The following AIMP2 variants were observed in gnomAD, a reference collection of about 807,000 sequenced individuals.
The protein encoded by AIMP2 is aminoacyl tRNA synthetase complex interacting multifunctional protein 2.
In AIMP2, 20 loss-of-function variants were observed where a neutral mutation model predicts 23.4. The observed-to-expected ratio is 0.85, with a 90% CI of 0.60 to 1.24. AIMP2 has a LOEUF of 1.24. AIMP2 is among the 50% of genes most tolerant of loss of function. The probability of loss-of-function intolerance (pLI) is 0.00; values close to 1 mark genes in which losing one functional copy is unlikely to be tolerated. For synonymous variants in AIMP2, 210 were observed against 170.4 expected, an observed-to-expected ratio of 1.23 and a Z score of -1.81; for missense variants, 515 against 414.5, an observed-to-expected ratio of 1.24 and a Z score of -2.10.
At chr7:6,013,956 CA>C (rs5882079) in intron 1 of AIMP2, among the ~76,000 whole-genome samples, 74 of 141,452 alleles carry the variant, frequency 5.2e-4, no homozygotes, top group Middle Eastern at 3.6e-3. Context: ...GTCTCCAGGA[CA>C]AAAAAAAAAA....
intron 2 of AIMP2, among the ~76,000 whole-genome samples, chr7:6,016,579 G>A (rs953981558): frequency 6.6e-6 from 1 of 152,266 alleles, no homozygotes; most frequent in Non-Finnish European, 1.5e-5. Context: ...TCGAGCATGC[G>A]CGGCTGAAAT....
At chr7:6,014,909 G>A (rs1348654842) in intron 1 of AIMP2, 11 of 652,508 alleles carry the variant, frequency 1.7e-5, no homozygotes, top group African/African-American at 3.8e-5. Context: ...TAGTAGAGAC[G>A]GGGTTTCACC....
At chr7:6,015,948 G>A (rs1327579854) in intron 2 of AIMP2, among the ~76,000 whole-genome samples, 1 of 152,170 alleles carries the variant, frequency 6.6e-6, no homozygotes, top group African/African-American at 2.4e-5. Context: ...GCCTCTGCCA[G>A]TCCGGGCATG....
intron 1 of AIMP2, among the ~76,000 whole-genome samples, chr7:6,011,259 G>T (rs932534285): frequency 2.0e-5 from 3 of 152,120 alleles, no homozygotes; most frequent in Admixed American, 1.3e-4. Flanking sequence ...AAGTTATACT[G>T]GTTTATGCGC....
Position 6,023,765 on chromosome 7 carries a change from C to T in AIMP2, c.*74C>T, listed in dbSNP as rs1423566099. 1.2e-6 allele frequency: 2 copies of T among 1,608,968 alleles called. No homozygotes were observed. Among genetic ancestry groups the T allele is most frequent in the Admixed American group, 1.7e-5 (1 of 59,308 alleles). On this transcript the variant is annotated 3_prime_UTR_variant, in exon 4 of 4. Coordinates refer to ENST00000223029, the MANE Select transcript of AIMP2 (RefSeq NM_006303.4). ...TTCATGCCTATTATCAGTAAGGGGA[C>T]TTGTATTAGAGTCAGAGTCTTTTTA...
chr7:6,009,949 CAAAAAAAAAAA>C (rs1156596688), intron 1 of AIMP2, among the ~76,000 whole-genome samples: 3 of 22,480 alleles, frequency 1.3e-4, no homozygotes, highest in Admixed American at 6.4e-4. Flanking sequence ...AACTCTATCT[CAAAAAAAAAAA>C]AAAAAAAAAA....
intron 3 of AIMP2, among the ~76,000 whole-genome samples, chr7:6,021,189 A>G (rs1787382241): frequency 1.3e-5 from 2 of 152,138 alleles, no homozygotes; most frequent in Admixed American, 1.3e-4. Flanking sequence ...GCTATGAAAG[A>G]GAACCCTGGC....
Position 6,023,423 on chromosome 7 carries a change from T to G in AIMP2, c.695T>G (p.Leu232Arg). 1.2e-6 allele frequency: 2 copies of G among 1,614,238 alleles called. No individual in the cohort carries two copies. Among genetic ancestry groups the G allele is most frequent in the South Asian group, 2.2e-5 (2 of 91,084 alleles). The change falls in exon 4 of 4, where the codon CTT becomes CGT. Residue 232 changes from leucine to arginine, a missense_variant. Physicochemically the swap from Leu to Arg is moderately radical, Grantham distance 102. Transcript: ENST00000223029. Reference protein sequence around the residue: ...GQKHNAVNATLIDSWVDIAIF... With the variant: ...GQKHNAVNATRIDSWVDIAIF... ...AAGCATAATGCTGTCAACGCAACCC[T>G]TATAGATAGCTGGGTAGATATTGCG...
chr7:6,011,807 CAT>C (rs1163233315), intron 1 of AIMP2, among the ~76,000 whole-genome samples: 1 of 152,186 alleles, frequency 6.6e-6, no homozygotes. Flanking sequence ...TGTCACCTTT[CAT>C]TTAAGGCCAA....
intron 2 of AIMP2, among the ~76,000 whole-genome samples, chr7:6,017,613 C>T (rs1448526777): frequency 6.6e-6 from 1 of 151,940 alleles, no homozygotes; most frequent in East Asian, 1.9e-4. Context: ...GGGTGGAGTC[C>T]GCTCATATCC....
At chr7:6,015,094 A>G in intron 1 of AIMP2, 52 bp from the exon 2 acceptor site, 2 of 1,611,300 alleles carry the variant, frequency 1.2e-6, no homozygotes, top group Non-Finnish European at 1.7e-6. Context: ...AAATTTAAAC[A>G]ACACTGGTCT....
At chr7:6,021,787 C>T (rs558913952) in intron 3 of AIMP2, among the ~76,000 whole-genome samples, 1 of 152,228 alleles carries the variant, frequency 6.6e-6, no homozygotes, top group South Asian at 2.1e-4. Flanking sequence ...TCTTTTACGA[C>T]CTGGAGTCTT....
intron 1 of AIMP2, 146 bp from the exon 2 acceptor site, chr7:6,015,000 G>C: frequency 6.7e-7 from 1 of 1,500,264 alleles, no homozygotes. Context: ...GATTACAGGC[G>C]TGAGCCACCA....
chr7:6,020,945 A>G (rs766699653), intron 3 of AIMP2, among the ~76,000 whole-genome samples: 8 of 152,326 alleles, frequency 5.3e-5, no homozygotes, highest in Non-Finnish European at 1.0e-4. Flanking sequence ...GGAAAAGATA[A>G]ACACAGCTGC....
Position 6,017,813 on chromosome 7 carries a change from G to A in AIMP2, c.343-1G>A. 5 of 1,612,624 alleles carry A rather than the reference G, an allele frequency of 3.1e-6. No homozygotes were observed. Among genetic ancestry groups the A allele is most frequent in the Non-Finnish European group, 4.2e-6 (5 of 1,179,110 alleles). Reference sequence around the variant, plus strand: ...CGTACATTGTCTTGGTCTTTCCCCAGGATTACGGGGCGCTGAAAGACATCG... The same window carrying A: ...CGTACATTGTCTTGGTCTTTCCCCAAGATTACGGGGCGCTGAAAGACATCG... On this transcript the variant is annotated splice_acceptor_variant, in intron 2 of 3. Coordinates refer to ENST00000223029, the MANE Select transcript of AIMP2 (RefSeq NM_006303.4). LOFTEE classifies it high-confidence loss of function.
intron 1 of AIMP2, chr7:6,014,856 A>C: frequency 2.7e-6 from 1 of 368,008 alleles, no homozygotes. Flanking sequence ...AGTAGCTGGG[A>C]TTACAGTTGC....
chr7:6,018,784 A>G (rs1473789520), intron 3 of AIMP2, among the ~76,000 whole-genome samples: 2 of 152,016 alleles, frequency 1.3e-5, no homozygotes, highest in Admixed American at 6.6e-5. Flanking sequence ...CAGTGAGCCA[A>G]GATCACGCCA....
At position 6,009,410 on chromosome 7, in the gene AIMP2, T is replaced by C. The variant is rs1786351668; in HGVS notation, c.47T>C (p.Leu16Pro). ...CCCTATCACGGGGGCGGCGCGCCTC[T>C]CCGTGTGGAGCTTCCCACCTGCATG... ...VKPYHGGGAPLRVELPTCMYR... is the reference protein window; with the variant it reads ...VKPYHGGGAPPRVELPTCMYR... Residue 16 changes from leucine (L) to proline (P), a missense_variant, in exon 1 of 4, where the codon CTC (leucine) becomes CCC (proline). Transcript: ENST00000223029. 1 of 1,611,438 alleles carries C rather than the reference T, an allele frequency of 6.2e-7. No homozygotes were observed. Among genetic ancestry groups the C allele is most frequent in the Admixed American group, 1.7e-5 (1 of 59,988 alleles).
intron 3 of AIMP2, chr7:6,022,831 G>A (rs1314576276): frequency 1.3e-5 from 2 of 157,070 alleles, no homozygotes; most frequent in African/African-American, 4.8e-5. Flanking sequence ...GCCATATAAA[G>A]ATAGGATGTT....
Sources: allele counts gnomAD v4.1 joint callset (sites outside exome capture counted in the v4.1 genomes callset), GRCh38; gene constraint gnomAD v4.1.1; transcripts MANE v1.5; gene names NCBI Gene and HGNC (gene_info 2026-07-23, HGNC 2026-07-21).